Variants in CHN2 observed in about 807,000 individuals in gnomAD.
CHN2 encodes the protein chimerin 2.
A neutral mutation model predicts 56.3 loss-of-function variants in CHN2; 35 were observed. The observed-to-expected ratio is 0.62, with a 90% CI of 0.47 to 0.82. The LOEUF (loss-of-function observed/expected upper bound fraction) is 0.82. Ranked by LOEUF, CHN2 falls within the 40% of genes least tolerant of loss-of-function variation. The pLI, the probability that CHN2 is intolerant of heterozygous loss-of-function variation, is 0.00. For synonymous variants in CHN2, 210 were observed against 212.8 expected (o/e 0.99, Z 0.12); for missense variants, 491 against 580.5 (o/e 0.85, Z 1.58).
chr7:29,374,847 T>TCCTTCCTTCCTTCCTTCCTC (rs961509280), intron 3 of CHN2, among the ~76,000 whole-genome samples: 1 of 145,444 alleles, frequency 6.9e-6, no homozygotes, highest in Non-Finnish European at 1.5e-5. Flanking sequence ...CTTCCTTCCT[T>TCCTTCCTTCCTTCCTTCCTC]CCTGCCTCCC....
intron 4 of CHN2, chr7:29,397,769 T>C (rs988462462): frequency 2.0e-5 from 3 of 152,422 alleles, no homozygotes; most frequent in African/African-American, 7.2e-5. Flanking sequence ...TGCATGTGTA[T>C]GGGTTTTAAA....
At chr7:29,148,727 A>G (rs1369678239) in intron 2 of CHN2, 5 of 152,220 alleles carry the variant, frequency 3.3e-5, no homozygotes, top group Non-Finnish European at 7.3e-5. Context: ...GATTAAAAAG[A>G]AAAAACAAGA....
intron 6 of CHN2, among the ~76,000 whole-genome samples, chr7:29,452,670 C>T (rs1784483504): frequency 6.6e-6 from 1 of 152,236 alleles, no homozygotes; most frequent in Admixed American, 6.5e-5. Flanking sequence ...TACATTTCCC[C>T]ATTCTCTGCA....
intron 1 of CHN2, among the ~76,000 whole-genome samples, chr7:29,279,143 A>C (rs1791471864): frequency 6.6e-6 from 1 of 152,248 alleles, no homozygotes; most frequent in Admixed American, 6.5e-5. Context: ...ATATTAATGC[A>C]GTATTCCCAA....
At chr7:29,449,517 G>C (rs1784258872) in intron 6 of CHN2, among the ~76,000 whole-genome samples, 1 of 152,204 alleles carries the variant, frequency 6.6e-6, no homozygotes, top group South Asian at 2.1e-4. Flanking sequence ...TGACAGAGTT[G>C]AGTGGTCCAG....
intron 4 of CHN2, among the ~76,000 whole-genome samples, chr7:29,396,366 A>C (rs1356273797): frequency 7.0e-6 from 1 of 142,906 alleles, no homozygotes; most frequent in Admixed American, 7.5e-5. Context: ...CTGAGGCAGG[A>C]GCATTGCTTG....
chr7:29,398,492 G>A lies in CHN2; in HGVS notation c.290+6G>A. ...TGCTACACGCTGGCTCTCAGGTGAG[G>A]CGCATTTCATTCCTTGTTTTCATTG... On this transcript the variant is annotated splice_donor_region_variant and intron_variant, in intron 5 of 12. Coordinates refer to ENST00000222792, the MANE Select transcript of CHN2 (RefSeq NM_004067.4). 3 of 1,584,832 alleles carry A rather than the reference G, an allele frequency of 1.9e-6. No individual in the cohort carries two copies. The highest frequency in any genetic ancestry group is 2.6e-6 in the Non-Finnish European group (3 of 1,154,686).
At chr7:29,173,130 C>CA (rs56379349) in intron 2 of CHN2, among the ~76,000 whole-genome samples, 4,826 of 80,034 alleles carry the variant, frequency 0.06, 252 homozygotes, top group African/African-American at 0.19. Flanking sequence ...GACTCTGTAT[C>CA]AAAAAAAAAA....
At chr7:29,328,411 C>T (rs1014963670) in intron 1 of CHN2, among the ~76,000 whole-genome samples, 11 of 151,090 alleles carry the variant, frequency 7.3e-5, no homozygotes, top group African/African-American at 2.4e-4. Context: ...ATAACAAGAG[C>T]ATTTCTTTTG....
In CHN2 at chr7:29,338,326, G is replaced by A. The variant is rs575610333; in HGVS notation, c.50-16299G>A. 3.3e-5 allele frequency among the ~76,000 whole-genome samples: 5 copies of A among 152,294 alleles called. No individual in the cohort carries two copies. In the South Asian group the frequency reaches 8.3e-4, roughly 25 times the overall value. On this transcript the variant is annotated intron_variant, in intron 1 of 12. Transcript: ENST00000222792. ...GGGATAAGAGTACCCACCTCATAGT[G>A]CTGTTTGGAAATGAAGTGTGATAAT...
chr7:29,402,824 C>G (rs1802324449), intron 6 of CHN2, among the ~76,000 whole-genome samples: 1 of 152,168 alleles, frequency 6.6e-6, no homozygotes, highest in Non-Finnish European at 1.5e-5. Flanking sequence ...GACAATATTC[C>G]TATCAGGAAA....
At chr7:29,260,196 T>TG (rs1789421080) in intron 1 of CHN2, among the ~76,000 whole-genome samples, 1 of 152,088 alleles carries the variant, frequency 6.6e-6, no homozygotes, top group Non-Finnish European at 1.5e-5. Flanking sequence ...AGGCTGGTCT[T>TG]GAACTCCTGA....
chr7:29,354,730 C>A, intron 2 of CHN2, 67 bp downstream of exon 2: 1 of 1,445,880 alleles, frequency 6.9e-7, no homozygotes, highest in Non-Finnish European at 9.7e-7. Flanking sequence ...ACAATTCTTG[C>A]CAGCGATGTA....
At chr7:29,176,405 T>A (rs1466890636) in intron 2 of CHN2, among the ~76,000 whole-genome samples, 1 of 152,098 alleles carries the variant, frequency 6.6e-6, no homozygotes, top group Non-Finnish European at 1.5e-5. Flanking sequence ...AGATTAATAG[T>A]GGACTTCTTA....
At chr7:29,187,493 G>A (rs949145729) in intron 2 of CHN2, among the ~76,000 whole-genome samples, 1 of 152,138 alleles carries the variant, frequency 6.6e-6, no homozygotes, top group Non-Finnish European at 1.5e-5. Context: ...GGAGGCCGAG[G>A]TGGGCGGATC....
chr7:29,200,475 T>TC (rs1223230192), intron 1 of CHN2, among the ~76,000 whole-genome samples: 634 of 44,520 alleles, frequency 0.014, 10 homozygotes, highest in African/African-American at 0.045. Flanking sequence ...CCTCCCCCCT[T>TC]CCCCCCCCCT....
intron 6 of CHN2, among the ~76,000 whole-genome samples, chr7:29,435,132 C>T (rs191436176): frequency 2.6e-5 from 4 of 152,118 alleles, no homozygotes; most frequent in East Asian, 1.9e-4. Context: ...AAAAAACCAA[C>T]CAGATCATAA....
At chr7:29,146,959 C>A in exon 2 of CHN2, 2 of 1,551,048 alleles carry the variant, frequency 1.3e-6, no homozygotes, top group Non-Finnish European at 1.7e-6. Flanking sequence ...GCTGCACTAG[C>A]AGTAAGCTCG....
At chr7:29,268,272 G>A (rs1486613752) in intron 1 of CHN2, among the ~76,000 whole-genome samples, 5 of 71,020 alleles carry the variant, frequency 7.0e-5, no homozygotes, top group Admixed American at 1.6e-4. Context: ...CTTCATCCAC[G>A]GCTTCACCAG....
Sources: gnomAD v4.1 joint callset for allele counts (sites outside exome capture counted in the v4.1 genomes callset) on GRCh38, gnomAD v4.1.1 for gene constraint, MANE v1.5 for transcripts, NCBI Gene and HGNC (gene_info 2026-07-23, HGNC 2026-07-21) for gene names.